SPTBN4: variants seen among roughly 807,000 people sequenced by gnomAD.
The protein encoded by SPTBN4 is spectrin beta chain, non-erythrocytic 4.
A neutral mutation model predicts 277.8 loss-of-function variants in SPTBN4; 96 were observed. The ratio of observed to expected loss-of-function variants is 0.35; its 90% CI spans 0.29 to 0.41. SPTBN4 has a LOEUF of 0.41. Ranked by LOEUF, SPTBN4 falls within the 10% of genes least tolerant of loss-of-function variation. The pLI, the probability that SPTBN4 is intolerant of heterozygous loss-of-function variation, is 1.00. For synonymous variants in SPTBN4, 1,481 were observed against 1,580.3 expected (o/e 0.94, Z 1.49); for missense variants, 3,006 against 3,595.7 (o/e 0.84, Z 4.19).
Position 40,560,507 on chromosome 19 carries a change from A to G in SPTBN4, c.5915+104A>G, listed in dbSNP as rs1282779654. The G allele has an allele frequency of 6.3e-7, 1 of 1,591,098 alleles. No homozygotes were observed. Among genetic ancestry groups the G allele is most frequent in the Admixed American group, 1.7e-5 (1 of 59,094 alleles). On this transcript the variant is annotated intron_variant, in intron 27 of 35. Coordinates refer to ENST00000598249, the MANE Select transcript of SPTBN4 (RefSeq NM_020971.3). This position sits in a 1 kb window ranked among gnomAD's most constrained non-coding sequence, Gnocchi z 5.2. ...CTTCTCAATGGAATGACAACAGCCAATATCTGTGTGGCGCCTCTGTGTGCT... is the reference window on the plus strand; with the variant it reads ...CTTCTCAATGGAATGACAACAGCCAGTATCTGTGTGGCGCCTCTGTGTGCT...
In SPTBN4 at chr19:40,487,705, G is replaced by C; in HGVS notation, c.178G>C (p.Glu60Gln). ...CAGGGCCTCTCCTCCAGATGAGCGG[G>C]AAGCCGTGCAGAAGAAAACCTTCAC... ...SRIKALADER[E>Q]AVQKKTFTKW... Residue 60 changes from glutamate (E) to glutamine (Q), a missense_variant, in exon 3 of 36, where the codon GAA becomes CAA. Glu to Gln is a conservative substitution (Grantham distance 29). Around this residue, in one of 5 missense-constraint regions of SPTBN4, gnomAD observed 114 missense variants for 196.1 expected, o/e 0.58. Transcript: ENST00000598249. 1 of 1,612,192 alleles carries C rather than the reference G, an allele frequency of 6.2e-7. No individual in the cohort carries two copies. Among genetic ancestry groups the C allele is most frequent in the Non-Finnish European group, 8.5e-7 (1 of 1,179,046 alleles).
chr19:40,533,307 C>T (rs2080698915), intron 19 of SPTBN4, among the ~76,000 whole-genome samples: 1 of 152,120 alleles, frequency 6.6e-6, no homozygotes, highest in African/African-American at 2.4e-5. Context: ...ACATAAAGTA[C>T]TTAACACAAG....
chr19:40,543,462 A>G (rs552984623), intron 20 of SPTBN4, among the ~76,000 whole-genome samples: 1 of 152,006 alleles, frequency 6.6e-6, no homozygotes, highest in South Asian at 2.1e-4. Flanking sequence ...AGGACCTGAG[A>G]GTGAGTTTTG....
chr19:40,542,155 C>G (rs1291765266), intron 20 of SPTBN4, among the ~76,000 whole-genome samples: 1 of 152,226 alleles, frequency 6.6e-6, no homozygotes, highest in East Asian at 1.9e-4. Flanking sequence ...CTCCTGACCT[C>G]AGGTGATCTG....
In SPTBN4 at chr19:40,472,657, G is replaced by A. The variant is rs1272342616; in HGVS notation, c.36G>A (p.Glu12=). 1.2e-6 allele frequency: 2 copies of A among 1,613,750 alleles called. No homozygotes were observed. The highest frequency in any genetic ancestry group is 1.7e-6 in the Non-Finnish European group (2 of 1,179,924). ...TACCAGGGGAAGTGGACAACATGGA[G>A]GGCCTGCCTGCTCCTAACAACAACC... ...AQVPGEVDNM[E]GLPAPNNNPA... The change falls in exon 2 of 36, where the codon GAG becomes GAA. Residue 12 remains glutamate (E), a synonymous_variant. Transcript: ENST00000598249.
chr19:40,554,793 C>A lies in SPTBN4; in HGVS notation c.5084+147C>A, dbSNP rs377026107. On this transcript the variant is annotated intron_variant, in intron 24 of 35. Transcript: ENST00000598249. This position sits in a 1 kb window ranked among gnomAD's most constrained non-coding sequence, Gnocchi z 5.7. ...GGAGCCCTCGAATTTGGCAAGTGGGCGGGCCGGAATGGGGGGACACGGCTC... is the reference window on the plus strand; with the variant it reads ...GGAGCCCTCGAATTTGGCAAGTGGGAGGGCCGGAATGGGGGGACACGGCTC... 7 of 1,291,872 alleles carry A rather than the reference C, an allele frequency of 5.4e-6. No homozygotes were observed. In the African/African-American group the frequency reaches 1.0e-4, roughly 19 times the overall value. 80.0% of individuals were successfully genotyped at this position (1,291,872 alleles called of 1,614,324 possible).
chr19:40,504,684 A>C (rs1373859240), intron 12 of SPTBN4, among the ~76,000 whole-genome samples: 1 of 152,008 alleles, frequency 6.6e-6, no homozygotes, highest in Non-Finnish European at 1.5e-5. Context: ...AAAAAACAAA[A>C]AAAACAAAAA....
At chr19:40,528,654 T>A (rs1156767783) in intron 17 of SPTBN4, among the ~76,000 whole-genome samples, 1 of 152,146 alleles carries the variant, frequency 6.6e-6, no homozygotes, top group Non-Finnish European at 1.5e-5. Flanking sequence ...TTTTCTCGTC[T>A]TTTTTTATTC....
chr19:40,491,712 T>TCAAAAAAAAAAAA (rs2080138263), intron 4 of SPTBN4, among the ~76,000 whole-genome samples: 1 of 29,980 alleles, frequency 3.3e-5, no homozygotes, highest in Admixed American at 3.9e-4. Flanking sequence ...AGACTCTGTC[T>TCAAAAAAAAAAAA]CAAAAAAAAA....
chr19:40,480,076 C>T (rs2079993049), intron 2 of SPTBN4, among the ~76,000 whole-genome samples: 1 of 151,946 alleles, frequency 6.6e-6, no homozygotes. Flanking sequence ...ACAGTGAAAC[C>T]CTGTCTTTAC....
chr19:40,501,546 T>C (rs1040182371), intron 7 of SPTBN4, among the ~76,000 whole-genome samples: 3 of 151,988 alleles, frequency 2.0e-5, no homozygotes, highest in African/African-American at 7.2e-5. Context: ...TGCATGCCCA[T>C]AACCCCAGCT....
rs62107869 is a variant in SPTBN4, at chr19:40,565,795, C to T, written c.6139+50C>T. 0.16 allele frequency: 239,355 copies of T among 1,529,924 alleles called. 19,188 individuals are homozygous for T. Among genetic ancestry groups the T allele is most frequent in the Non-Finnish European group, 0.16 (186,405 of 1,130,914 alleles). The allele number at this position is 1,529,924 out of a possible 1,614,324, so 94.8% of individuals were successfully genotyped here. On this transcript the variant is annotated intron_variant, in intron 29 of 35. Coordinates refer to ENST00000598249, the MANE Select transcript of SPTBN4 (RefSeq NM_020971.3). ...GGTTCAAGGGCACAGGGACATGCTCCAGCCTGTCCAGCCAAGGCCCAGAGG... is the reference window on the plus strand; with the variant it reads ...GGTTCAAGGGCACAGGGACATGCTCTAGCCTGTCCAGCCAAGGCCCAGAGG...
At chr19:40,506,606 C>T (rs1050029717) in intron 13 of SPTBN4, among the ~76,000 whole-genome samples, 1 of 152,216 alleles carries the variant, frequency 6.6e-6, no homozygotes, top group Admixed American at 6.5e-5. Context: ...TTAGATTCTG[C>T]AGTAATAACC....
At chr19:40,552,110 G>A (rs78607350) in intron 22 of SPTBN4, among the ~76,000 whole-genome samples, 1 of 151,990 alleles carries the variant, frequency 6.6e-6, no homozygotes, top group Admixed American at 6.6e-5. Flanking sequence ...CTGAGGTCAG[G>A]AGTTCGAGAC....
chr19:40,508,168 A>G (rs1226577098), intron 13 of SPTBN4, among the ~76,000 whole-genome samples: 5 of 152,210 alleles, frequency 3.3e-5, no homozygotes, highest in Non-Finnish European at 1.5e-5. Flanking sequence ...AGCCCATTAC[A>G]AAGGCTTAGA....
intron 20 of SPTBN4, among the ~76,000 whole-genome samples, chr19:40,538,006 C>G (rs1213085823): frequency 6.6e-6 from 1 of 152,190 alleles, no homozygotes; most frequent in South Asian, 2.1e-4. Flanking sequence ...AGCTTTTGCT[C>G]CTCCCTAGCC....
At position 40,490,361 on chromosome 19, in the gene SPTBN4, C is replaced by G; in HGVS notation, c.495+113C>G. ...AATAATATCCTAATATGCTGGAATC[C>G]TATTCCAGGTGTTAGGGATGAAAAT... is the stretch of plus-strand genomic sequence containing the variant. On this transcript the variant is annotated intron_variant, in intron 4 of 35. Transcript: ENST00000598249. The surrounding 1 kb of genome is among the most constrained non-coding windows in gnomAD (Gnocchi z 4.3). 8.0e-7 allele frequency: 1 copy of G among 1,256,674 alleles called. No individual in the cohort carries two copies. Among genetic ancestry groups the G allele is most frequent in the Non-Finnish European group, 1.1e-6 (1 of 918,998 alleles). The allele number at this position is 1,256,674 out of a possible 1,614,324, so 77.8% of individuals were successfully genotyped here. A position where few individuals can be genotyped will look rare whatever the true frequency, so the allele number is the denominator to read the frequency against.
chr19:40,539,253 T>C (rs2080772042), intron 20 of SPTBN4, among the ~76,000 whole-genome samples: 1 of 152,230 alleles, frequency 6.6e-6, no homozygotes, highest in Non-Finnish European at 1.5e-5. Context: ...GTCACAGCTC[T>C]CCCACTTGCT....
At chr19:40,556,996 A>G in intron 25 of SPTBN4, 27 bp from the exon 26 acceptor site, 43 of 1,363,214 alleles carry the variant, frequency 3.2e-5, no homozygotes, top group Non-Finnish European at 3.8e-5. Context: ...ACTTTGCTGT[A>G]CCCCCCCCCC....
Sources: gnomAD v4.1 joint callset for allele counts (sites outside exome capture counted in the v4.1 genomes callset) on GRCh38, gnomAD v4.1.1 for gene constraint, gnomAD v4.1.1 regional missense constraint, Gnocchi (gnomAD v3.1) non-coding constraint, MANE v1.5 for transcripts, NCBI Gene and HGNC (gene_info 2026-07-23, HGNC 2026-07-21) for gene names.